The following CEMIP variants were observed in gnomAD, a reference collection of about 807,000 sequenced individuals.
CEMIP encodes the protein cell migration inducing hyaluronidase 1, also known as cell migration-inducing and hyaluronan-binding protein.
CEMIP carries 105 observed loss-of-function variants against 156.9 expected under a neutral mutation model. The ratio of observed to expected loss-of-function variants is 0.67; its 90% CI spans 0.57 to 0.79. The LOEUF is 0.79. Among genes scored for constraint, CEMIP ranks in the 30% least tolerant of loss-of-function variants. The probability of loss-of-function intolerance (pLI) is 0.00; values close to 1 mark genes in which losing one functional copy is unlikely to be tolerated. For synonymous variants in CEMIP, 676 were observed against 668.4 expected, an observed-to-expected ratio of 1.01 and a Z score of -0.17; for missense variants, 1,457 against 1,769.4, an observed-to-expected ratio of 0.82 and a Z score of 3.17.
rs1462620051 is a variant in CEMIP, at chr15:80,950,163, C to T, written c.*1239C>T. On this transcript the variant is annotated 3_prime_UTR_variant, in exon 30 of 30. Transcript: ENST00000394685. The stretch of plus-strand genomic sequence containing the variant: ...CCAGGAGACCCTAGATGTGCTCGTA[C>T]TCCCTCGGCCTGGGATTTCAGAGCT... 6.6e-6 allele frequency: 1 copy of T among 152,274 alleles called. No homozygotes were observed. Among genetic ancestry groups the T allele is most frequent in the Non-Finnish European group, 1.5e-5 (1 of 68,064 alleles). 9.4% of individuals were successfully genotyped at this position (152,274 alleles called of 1,614,324 possible). A position where few individuals can be genotyped will look rare whatever the true frequency, so the allele number is the denominator to read the frequency against.
intron 19 of CEMIP, among the ~76,000 whole-genome samples, chr15:80,926,251 A>T (rs1015722972): frequency 6.6e-6 from 1 of 152,210 alleles, no homozygotes. Context: ...GCCACAGTTC[A>T]CTGGACTCCA....
Position 80,779,452 on chromosome 15 carries a change from C to T in CEMIP, c.-338C>T, listed in dbSNP as rs1024072823. 6.6e-6 allele frequency: 1 copy of T among 152,350 alleles called. No individual in the cohort carries two copies. Among genetic ancestry groups the T allele is most frequent in the Non-Finnish European group, 1.5e-5 (1 of 68,142 alleles). The allele number at this position is 152,350 out of a possible 1,614,324, so 9.4% of individuals were successfully genotyped here. ...CAAGCGGCGCGGGGAGCCAGCGGGG[C>T]TGAGCGCGGCCAGGGTCTGAACCCA... is the stretch of plus-strand genomic sequence containing the variant. On this transcript the variant is annotated 5_prime_UTR_variant, in exon 1 of 30. Transcript: ENST00000394685.
intron 19 of CEMIP, among the ~76,000 whole-genome samples, chr15:80,927,460 C>T (rs1378366068): frequency 6.6e-6 from 1 of 152,142 alleles, no homozygotes; most frequent in Admixed American, 6.5e-5. Flanking sequence ...GGTGTCAATG[C>T]CGAAATTCTT....
At chr15:80,811,061 G>T (rs548613059) in intron 1 of CEMIP, among the ~76,000 whole-genome samples, 1 of 152,252 alleles carries the variant, frequency 6.6e-6, no homozygotes, top group South Asian at 2.1e-4. Context: ...GGGCCTTGTA[G>T]TAGACACCAG....
intron 1 of CEMIP, among the ~76,000 whole-genome samples, chr15:80,812,445 C>T (rs1235439732): frequency 1.3e-5 from 2 of 152,152 alleles, no homozygotes; most frequent in East Asian, 1.9e-4. Flanking sequence ...CCTAGCTCCA[C>T]CGTTAGTCAT....
At chr15:80,790,539 G>A (rs1286091036) in intron 1 of CEMIP, among the ~76,000 whole-genome samples, 1 of 150,752 alleles carries the variant, frequency 6.6e-6, no homozygotes, top group Non-Finnish European at 1.5e-5. Flanking sequence ...TTTGCAGATG[G>A]AGAAGGTCAG....
chr15:80,784,371 A>G (rs1408204651), intron 1 of CEMIP, among the ~76,000 whole-genome samples: 1 of 152,054 alleles, frequency 6.6e-6, no homozygotes, highest in Non-Finnish European at 1.5e-5. Flanking sequence ...CACACGGAGG[A>G]GGGAGGGCCA....
At chr15:80,804,807 C>G (rs1389643969) in intron 1 of CEMIP, among the ~76,000 whole-genome samples, 1 of 152,144 alleles carries the variant, frequency 6.6e-6, no homozygotes, top group Non-Finnish European at 1.5e-5. Context: ...AGACAGAGTT[C>G]TTGTCATAGT....
Position 80,895,892 on chromosome 15 carries a change from A to G in CEMIP, c.1243A>G (p.Ile415Val), listed in dbSNP as rs1040161725. 4 of 1,614,090 alleles carry G rather than the reference A, an allele frequency of 2.5e-6. No individual in the cohort carries two copies. The African/African-American group carries it at 4.0e-5, about 16-fold the overall frequency. ...AGTGAGGCCCAAACTCACAGTCACC[A>G]TTGACACCAATGTGAACAGCACCAT... ...KPVRPKLTVTIDTNVNSTILN... is the reference protein window; with the variant it reads ...KPVRPKLTVTVDTNVNSTILN... Residue 415 changes from isoleucine to valine, a missense_variant, in exon 12 of 30, where the codon ATT becomes GTT. Ile to Val is a conservative substitution (Grantham distance 29, BLOSUM62 3). Around this residue, in one of 5 missense-constraint regions of CEMIP, gnomAD observed 280 missense variants for 300.3 expected, o/e 0.93. Transcript: ENST00000394685.
At chr15:80,926,578 G>A (rs1900678269) in intron 19 of CEMIP, among the ~76,000 whole-genome samples, 1 of 151,060 alleles carries the variant, frequency 6.6e-6, no homozygotes, top group Non-Finnish European at 1.5e-5. Context: ...AGAGAGAGAG[G>A]GAAGGGAGAG....
At position 80,848,926 on chromosome 15, in the gene CEMIP, A is replaced by ACACACC. The variant is rs374603705; in HGVS notation, c.-175-24611_-175-24610insACACCC. Among the ~76,000 whole-genome samples the ACACACC allele has an allele frequency of 1.2e-4, 16 of 131,184 alleles. 1 individual carries two copies. Among genetic ancestry groups the ACACACC allele is most frequent in the Admixed American group, 3.2e-4 (4 of 12,408 alleles). The allele number at this position is 131,184 out of a possible 152,430, so 86.1% of individuals were successfully genotyped here. A position where few individuals can be genotyped will look rare whatever the true frequency, so the allele number is the denominator to read the frequency against. ...CACACACACACACACACACACACAC[A>ACACACC]CCCTGGCTTCAGGGATCTCTTTAGA... On this transcript the variant is annotated intron_variant, in intron 1 of 29. Transcript: ENST00000394685.
At chr15:80,793,117 A>G (rs1462505930) in intron 1 of CEMIP, among the ~76,000 whole-genome samples, 1 of 152,214 alleles carries the variant, frequency 6.6e-6, no homozygotes, top group Non-Finnish European at 1.5e-5. Flanking sequence ...TAAGAGGGTA[A>G]GCGTTGGAGC....
intron 1 of CEMIP, among the ~76,000 whole-genome samples, chr15:80,859,922 G>T (rs1200964372): frequency 6.6e-6 from 1 of 152,126 alleles, no homozygotes; most frequent in African/African-American, 2.4e-5. Flanking sequence ...ACTGAGTCCT[G>T]CCCCAGATCC....
chr15:80,823,012 G>T (rs572606412), intron 1 of CEMIP, among the ~76,000 whole-genome samples: 1 of 152,234 alleles, frequency 6.6e-6, no homozygotes, highest in Non-Finnish European at 1.5e-5. Flanking sequence ...GTGTGGTCCT[G>T]AAAAATTGCT....
In CEMIP at chr15:80,888,803, A is replaced by C; in HGVS notation, c.964+7A>C. The C allele has an allele frequency of 2.5e-6, 4 of 1,610,492 alleles. No homozygotes were observed. Among genetic ancestry groups the C allele is most frequent in the Non-Finnish European group, 3.4e-6 (4 of 1,176,682 alleles). On this transcript the variant is annotated splice_region_variant and intron_variant, in intron 9 of 29. Transcript: ENST00000394685. ...TCCAGTGAGTGGGTTCAAGGTGAGG[A>C]GTTTCAGACAATTTGGTGACACCTA...
intron 4 of CEMIP, 144 bp downstream of exon 4, chr15:80,879,011 A>G: frequency 9.2e-7 from 1 of 1,087,990 alleles, no homozygotes. Context: ...GTCTGAGATA[A>G]CCATCAGCTC....
At chr15:80,779,755 T>C (rs1405857325) in intron 1 of CEMIP, 141 bp downstream of exon 1, 2 of 152,648 alleles carry the variant, frequency 1.3e-5, no homozygotes, top group Non-Finnish European at 2.9e-5. Flanking sequence ...GTCCACCCTG[T>C]GCTGTGCAGT....
chr15:80,940,130 G>A (rs904118487), intron 25 of CEMIP, among the ~76,000 whole-genome samples: 3 of 152,140 alleles, frequency 2.0e-5, no homozygotes, highest in Admixed American at 1.3e-4. Context: ...CATCAGTAGC[G>A]CTGCTCTGCA....
Position 80,881,135 on chromosome 15 carries a change from C to T in CEMIP, c.616C>T (p.Arg206Trp), listed in dbSNP as rs368428285. The change falls in exon 6 of 30, where the codon CGG becomes TGG. Residue 206 changes from arginine (R) to tryptophan (W), a missense_variant and splice_region_variant. Physicochemically the swap from Arg to Trp is moderately radical, Grantham distance 101 (BLOSUM62 -3). Coordinates refer to ENST00000394685, the MANE Select transcript of CEMIP (RefSeq NM_001293298.2). ...ATCAGGCACAGTCATCCATTCTGAC[C>T]GGTAAGGTTTGCCTTCACTTAAACG... Reference protein sequence around the residue: ...PKSGTVIHSDRFDTYRSKKES... With the variant: ...PKSGTVIHSDWFDTYRSKKES... The T allele has an allele frequency of 2.1e-5, 34 of 1,612,888 alleles. No homozygotes were observed. The highest frequency in any genetic ancestry group is 1.3e-4 in the East Asian group (6 of 44,882).
Sources: allele counts gnomAD v4.1 joint callset (sites outside exome capture counted in the v4.1 genomes callset), GRCh38; gene constraint gnomAD v4.1.1; regional missense constraint gnomAD v4.1.1; transcripts MANE v1.5; gene names NCBI Gene and HGNC (gene_info 2026-07-23, HGNC 2026-07-21).